The following VAMP7 variants were observed in gnomAD, a reference collection of about 807,000 sequenced individuals.
The protein encoded by VAMP7 is vesicle associated membrane protein 7.
A neutral mutation model predicts 29.6 loss-of-function variants in VAMP7; 14 were observed. The observed-to-expected ratio is 0.47, with a 90% CI of 0.31 to 0.74. VAMP7 has a LOEUF of 0.74. Ranked by LOEUF, VAMP7 falls within the 30% of genes least tolerant of loss-of-function variation. The pLI is 0.05. For missense variants in VAMP7, 223 were observed against 262.4 expected, an observed-to-expected ratio of 0.85 and a Z score of 1.04; for synonymous variants, 95 against 88.1, an observed-to-expected ratio of 1.08 and a Z score of -0.44.
intron 2 of VAMP7, among the ~76,000 whole-genome samples, chrX:155,893,078 T>C (rs775171694): frequency 6.6e-6 from 1 of 152,258 alleles, no homozygotes; most frequent in South Asian, 2.1e-4. Context: ...ATTGAAATGA[T>C]TGTTTATTTC....
At chrX:155,927,088 A>G (rs191095687) in intron 6 of VAMP7, among the ~76,000 whole-genome samples, 22 of 152,280 alleles carry the variant, frequency 1.4e-4, no homozygotes, top group Admixed American at 1.4e-3. Flanking sequence ...AAGAATTACC[A>G]AAACACAGAC....
chrX:155,899,419 G>T (rs2066030396), intron 4 of VAMP7, among the ~76,000 whole-genome samples: 1 of 151,788 alleles, frequency 6.6e-6, no homozygotes, highest in Non-Finnish European at 1.5e-5. Flanking sequence ...AACTATTTGA[G>T]TATAAAGACG....
intron 6 of VAMP7, among the ~76,000 whole-genome samples, chrX:155,926,957 A>G (rs1479032180): frequency 1.3e-5 from 2 of 152,196 alleles, no homozygotes; most frequent in African/African-American, 2.4e-5. Flanking sequence ...TTTATCCGTT[A>G]GCTCCGTCAC....
chrX:155,920,992 CT>C (rs1450224128), intron 6 of VAMP7, among the ~76,000 whole-genome samples: 3 of 152,112 alleles, frequency 2.0e-5, no homozygotes, highest in Non-Finnish European at 4.4e-5. Flanking sequence ...CTAGATCTCA[CT>C]TTGTGACCCA....
At chrX:155,936,404 G>A (rs1373998363) in intron 6 of VAMP7, among the ~76,000 whole-genome samples, 5 of 152,148 alleles carry the variant, frequency 3.3e-5, no homozygotes, top group African/African-American at 9.7e-5. Flanking sequence ...AATGGCGGGC[G>A]CCTCTCCTCC....
intron 6 of VAMP7, among the ~76,000 whole-genome samples, chrX:155,936,679 C>T (rs2066662312): frequency 6.6e-6 from 1 of 152,190 alleles, no homozygotes; most frequent in Admixed American, 6.5e-5. Context: ...TGCTTCGGCT[C>T]ACGCTCGGTG....
At chrX:155,932,847 C>CATAA (rs2066583600) in intron 6 of VAMP7, among the ~76,000 whole-genome samples, 1 of 151,210 alleles carries the variant, frequency 6.6e-6, no homozygotes, top group African/African-American at 2.4e-5. Flanking sequence ...GTGGGTTTGT[C>CATAA]ATAGCTCTTA....
chrX:155,885,945 C>G (rs940455580), intron 1 of VAMP7, among the ~76,000 whole-genome samples: 1 of 152,098 alleles, frequency 6.6e-6, no homozygotes, highest in African/African-American at 2.4e-5. Flanking sequence ...ATTACTGCAG[C>G]TACAAGAAAC....
At chrX:155,921,823 T>C (rs2066400006) in intron 6 of VAMP7, among the ~76,000 whole-genome samples, 1 of 152,116 alleles carries the variant, frequency 6.6e-6, no homozygotes, top group African/African-American at 2.4e-5. Flanking sequence ...TGTTTTAGAA[T>C]AAGCTTGTTT....
Position 155,915,461 on chromosome X carries a change from G to A in VAMP7, c.434-4352G>A, listed in dbSNP as rs146485932. Among the ~76,000 whole-genome samples, 1,119 of 152,240 alleles carry A rather than the reference G, an allele frequency of 7.4e-3. 11 individuals are homozygous for A. Among genetic ancestry groups the A allele is most frequent in the African/African-American group, 0.026 (1,062 of 41,540 alleles). On this transcript the variant is annotated intron_variant, in intron 5 of 7. Transcript: ENST00000286448. ...GTTCTTTTAATTGTGATGTTAGGGT[G>A]TTGACTTTAAATCTTTCCCACTTTT... is the stretch of plus-strand genomic sequence containing the variant.
intron 1 of VAMP7, among the ~76,000 whole-genome samples, chrX:155,888,090 C>G (rs772837790): frequency 6.6e-6 from 1 of 152,208 alleles, no homozygotes; most frequent in Admixed American, 6.5e-5. Context: ...TGGTTGAGAT[C>G]ACAACCCTGG....
At chrX:155,895,029 G>A (rs922988712) in intron 2 of VAMP7, among the ~76,000 whole-genome samples, 2 of 151,968 alleles carry the variant, frequency 1.3e-5, no homozygotes, top group Admixed American at 1.3e-4. Flanking sequence ...TCTCCATTTC[G>A]TGCCTCATCT....
chrX:155,929,169 A>G (rs185892962), intron 6 of VAMP7, among the ~76,000 whole-genome samples: 2 of 152,314 alleles, frequency 1.3e-5, no homozygotes, highest in Admixed American at 1.3e-4. Context: ...TTCAACAACT[A>G]TACAGTTTAC....
At chrX:155,913,532 C>T (rs1418630681) in intron 5 of VAMP7, among the ~76,000 whole-genome samples, 1 of 152,068 alleles carries the variant, frequency 6.6e-6, no homozygotes, top group East Asian at 1.9e-4. Flanking sequence ...TTTAATCCAT[C>T]TTGAGTTAAT....
intron 6 of VAMP7, among the ~76,000 whole-genome samples, chrX:155,924,396 C>T (rs1234686950): frequency 6.6e-6 from 1 of 152,034 alleles, no homozygotes; most frequent in Non-Finnish European, 1.5e-5. Context: ...ATTTCCAAAA[C>T]TTTTTTATCA....
intron 5 of VAMP7, among the ~76,000 whole-genome samples, chrX:155,905,173 G>T (rs1318858308): frequency 6.6e-6 from 1 of 151,856 alleles, no homozygotes; most frequent in East Asian, 1.9e-4. Context: ...TAATGATGTT[G>T]AGCATTTTTT....
At chrX:155,901,406 G>A (rs2066060367) in intron 5 of VAMP7, among the ~76,000 whole-genome samples, 1 of 151,938 alleles carries the variant, frequency 6.6e-6, no homozygotes, top group African/African-American at 2.4e-5. Context: ...AGTGGAGGCA[G>A]ACAATTGCTA....
At chrX:155,899,938 T>C (rs1279039364) in intron 4 of VAMP7, among the ~76,000 whole-genome samples, 1 of 152,072 alleles carries the variant, frequency 6.6e-6, no homozygotes, top group Non-Finnish European at 1.5e-5. Context: ...AAGCACCCCA[T>C]AATTGCTAGC....
intron 6 of VAMP7, among the ~76,000 whole-genome samples, chrX:155,923,688 G>C (rs2066427827): frequency 1.3e-5 from 2 of 151,626 alleles, no homozygotes; most frequent in African/African-American, 4.8e-5. Context: ...CTTTGGCTTT[G>C]AGTTTGTTGT....
Sources: allele counts gnomAD v4.1 joint callset (sites outside exome capture counted in the v4.1 genomes callset), GRCh38; gene constraint gnomAD v4.1.1; transcripts MANE v1.5; gene names NCBI Gene and HGNC (gene_info 2026-07-23, HGNC 2026-07-21).